The following DBF4B variants were observed in gnomAD, a reference collection of about 807,000 sequenced individuals.
DBF4B encodes the protein DBF4B-CDC7 kinase regulatory subunit.
A neutral mutation model predicts 53.4 loss-of-function variants in DBF4B; 49 were observed. That is an observed-to-expected ratio of 0.92 (90% CI 0.73 to 1.16). The LOEUF (loss-of-function observed/expected upper bound fraction) is 1.16. Ranked by LOEUF, DBF4B falls within the 50% of genes most tolerant of loss-of-function variation. The pLI, the probability that DBF4B is intolerant of heterozygous loss-of-function variation, is 0.00. For synonymous variants in DBF4B, 257 were observed against 288.7 expected, an observed-to-expected ratio of 0.89 and a Z score of 1.11; for missense variants, 692 against 775.0, an observed-to-expected ratio of 0.89 and a Z score of 1.27.
At position 44,738,397 on chromosome 17, in the gene DBF4B, C is replaced by T. The variant is rs551878955; in HGVS notation, c.686C>T (p.Pro229Leu). Residue 229 changes from proline (P) to leucine (L), a missense_variant, in exon 9 of 14, where the codon CCG becomes CTG. By Grantham distance (98) the Pro-to-Leu change is moderately conservative. This residue lies in a region of DBF4B where 597 missense variants were observed against 665.8 expected (regional missense o/e 0.90). Coordinates refer to ENST00000315005, the MANE Select transcript of DBF4B (RefSeq NM_145663.3). Reference protein sequence around the residue: ...RTRKVARLKAPFLKIEDESRK... With the variant: ...RTRKVARLKALFLKIEDESRK... ...CTTTCAGTGGCCAGACTGAAGGCCC[C>T]GTTCCTCAAAATCGAAGATGAAAGC... 5.0e-6 allele frequency: 8 copies of T among 1,613,798 alleles called. No homozygotes were observed. Among genetic ancestry groups the T allele is most frequent in the Admixed American group, 1.7e-5 (1 of 60,022 alleles).
chr17:44,717,429 G>A (rs12453642), intron 2 of DBF4B, among the ~76,000 whole-genome samples: 5,255 of 152,210 alleles, frequency 0.035, 293 homozygotes, highest in African/African-American at 0.12. Flanking sequence ...AATCCAGGCT[G>A]GGCGTGGTGG....
At chr17:44,735,890 T>C (rs2145015085) in intron 7 of DBF4B, among the ~76,000 whole-genome samples, 1 of 152,232 alleles carries the variant, frequency 6.6e-6, no homozygotes, top group East Asian at 1.9e-4. Context: ...TTTTTTATTT[T>C]ATTCCATTTA....
At position 44,747,078 on chromosome 17, in the gene DBF4B, C is replaced by T. The variant is rs1376795420; in HGVS notation, c.831-5C>T. ...CCACTTTGCCGCACTATGTACCCTC[C>T]CCAGAGAATCCAAGGATGGAGAGCC... On this transcript the variant is annotated splice_polypyrimidine_tract_variant and splice_region_variant and intron_variant, in intron 10 of 13. Coordinates refer to ENST00000315005, the MANE Select transcript of DBF4B (RefSeq NM_145663.3). 1 of 1,613,786 alleles carries T rather than the reference C, an allele frequency of 6.2e-7. No homozygotes were observed. The highest frequency in any genetic ancestry group is 1.3e-5 in the African/African-American group (1 of 74,910).
At chr17:44,735,667 CAAAAA>C (rs929672719) in intron 7 of DBF4B, among the ~76,000 whole-genome samples, 2 of 150,200 alleles carry the variant, frequency 1.3e-5, no homozygotes, top group Non-Finnish European at 3.0e-5. Flanking sequence ...GACTCTGTCT[CAAAAA>C]AAAGAAAAAA....
chr17:44,712,998 T>C (rs1973018427), intron 2 of DBF4B, among the ~76,000 whole-genome samples: 1 of 151,540 alleles, frequency 6.6e-6, no homozygotes, highest in African/African-American at 2.4e-5. Context: ...CTCCCCAGTA[T>C]ATATGTAGTA....
At chr17:44,738,223 T>G (rs1975649176) in intron 8 of DBF4B, among the ~76,000 whole-genome samples, 156 bp from the exon 9 acceptor site, 1 of 152,174 alleles carries the variant, frequency 6.6e-6, no homozygotes, top group Admixed American at 6.5e-5. Context: ...GAGATCTGAG[T>G]GAATGGAGAG....
chr17:44,741,212 T>A, intron 9 of DBF4B, 124 bp from the exon 10 acceptor site: 2 of 706,008 alleles, frequency 2.8e-6, no homozygotes, highest in Non-Finnish European at 5.1e-6. Context: ...TGTTATAGAA[T>A]TTAAAAGATG....
intron 10 of DBF4B, among the ~76,000 whole-genome samples, chr17:44,741,864 G>A (rs554034848): frequency 1.1e-3 from 165 of 152,222 alleles, no homozygotes; most frequent in Admixed American, 2.5e-3. Context: ...AGGGTTTACC[G>A]AGTATACACA....
chr17:44,729,903 A>G lies in DBF4B; in HGVS notation c.226-2A>G, dbSNP rs758764935. On this transcript the variant is annotated splice_acceptor_variant, in intron 3 of 13. Transcript: ENST00000315005. LOFTEE classifies it high-confidence loss of function. ...TCAGCCACCTCTGTGATCTGGTTTCAGGTAATTGAGGGTTTTCTGAGCAAA... is the reference window on the plus strand; with the variant it reads ...TCAGCCACCTCTGTGATCTGGTTTCGGGTAATTGAGGGTTTTCTGAGCAAA... The G allele has an allele frequency of 6.2e-7, 1 of 1,613,080 alleles. No individual in the cohort carries two copies. Among genetic ancestry groups the G allele is most frequent in the Admixed American group, 1.7e-5 (1 of 59,958 alleles).
intron 2 of DBF4B, among the ~76,000 whole-genome samples, chr17:44,718,033 AG>A (rs1973480304): frequency 1.3e-5 from 2 of 151,950 alleles, no homozygotes; most frequent in African/African-American, 2.4e-5. Context: ...CTCAAAAAAA[AG>A]AAAGAAAAGA....
Position 44,751,540 on chromosome 17 carries a change from T to G in DBF4B, c.*287T>G. On this transcript the variant is annotated 3_prime_UTR_variant, in exon 14 of 14. Coordinates refer to ENST00000315005, the MANE Select transcript of DBF4B (RefSeq NM_145663.3). ...TCCAGCCCACCTCGCCAACCACTCT[T>G]GTTGGTTTCCTTCTCAGACTTGCCA... 1 of 1,327,240 alleles carries G rather than the reference T, an allele frequency of 7.5e-7. No individual in the cohort carries two copies. The highest frequency in any genetic ancestry group is 9.6e-7 in the Non-Finnish European group (1 of 1,040,482). 82.2% of individuals were successfully genotyped at this position (1,327,240 alleles called of 1,614,324 possible). A position where few individuals can be genotyped will look rare whatever the true frequency, so the allele number is the denominator to read the frequency against.
chr17:44,709,431 C>T (rs1972664214), intron 2 of DBF4B, 65 bp downstream of exon 2: 13 of 1,538,250 alleles, frequency 8.5e-6, no homozygotes, highest in Non-Finnish European at 1.2e-5. Context: ...TGGAGAAGAC[C>T]GAAAAATGTT....
chr17:44,724,283 G>A (rs1003205768), intron 3 of DBF4B, among the ~76,000 whole-genome samples: 63 of 152,164 alleles, frequency 4.1e-4, no homozygotes, highest in African/African-American at 1.5e-3. Flanking sequence ...TGTAGTCTCC[G>A]TTACTCAGTA....
chr17:44,736,784 C>T lies in DBF4B; in HGVS notation c.631-46C>T, dbSNP rs774681316. On this transcript the variant is annotated intron_variant, in intron 7 of 13. Coordinates refer to ENST00000315005, the MANE Select transcript of DBF4B (RefSeq NM_145663.3). ...GCTTATCAGGCCCAGTTCCTTGACC[C>T]CCGTGGCTTCCTCACATCCTTAACC... The T allele has an allele frequency of 7.4e-6, 12 of 1,611,820 alleles. No homozygotes were observed. The South Asian group carries it at 1.3e-4, about 18-fold the overall frequency.
Position 44,749,468 on chromosome 17 carries a change from A to C in DBF4B, c.1189+1003A>C, listed in dbSNP as rs568313912. The C allele has an allele frequency of 2.3e-6, 3 of 1,288,444 alleles. No individual in the cohort carries two copies. In the Middle Eastern group the frequency reaches 6.4e-4, roughly 276 times the overall value. 79.8% of individuals were successfully genotyped at this position (1,288,444 alleles called of 1,614,324 possible). A position where few individuals can be genotyped will look rare whatever the true frequency, so the allele number is the denominator to read the frequency against. On this transcript the variant is annotated intron_variant, in intron 13 of 13. Coordinates refer to ENST00000315005, the MANE Select transcript of DBF4B (RefSeq NM_145663.3). The surrounding 1 kb of genome is among the most constrained non-coding windows in gnomAD (Gnocchi z 4.4). ...CCAGGACTTCCCCAAAAGAGCTAGA[A>C]GGAGGCCCGGGCCTGGCCTTTGAAG...
At position 44,747,201 on chromosome 17, in the gene DBF4B, T is replaced by G. The variant is rs765389775; in HGVS notation, c.939+10T>G. Reference sequence around the variant, plus strand: ...CGAGGAGCTCCATGTGGTGAGCCCCTTCCCCATTAAGCAGCTGCTCCCAGA... The same window carrying G: ...CGAGGAGCTCCATGTGGTGAGCCCCGTCCCCATTAAGCAGCTGCTCCCAGA... On this transcript the variant is annotated intron_variant, in intron 11 of 13. Transcript: ENST00000315005. 13 of 1,613,500 alleles carry G rather than the reference T, an allele frequency of 8.1e-6. No homozygotes were observed. The East Asian group carries it at 2.9e-4, about 36-fold the overall frequency.
chr17:44,723,125 G>A (rs1450231919), intron 3 of DBF4B, 103 bp downstream of exon 3: 1 of 1,463,716 alleles, frequency 6.8e-7, no homozygotes, highest in Admixed American at 2.3e-5. Flanking sequence ...TTTCTTTTTT[G>A]AGACAGAGTC....
intron 10 of DBF4B, among the ~76,000 whole-genome samples, chr17:44,741,853 C>T (rs538909483): frequency 7.2e-5 from 11 of 152,264 alleles, no homozygotes; most frequent in Admixed American, 2.6e-4. Context: ...CCTCACTCGG[C>T]AGGGTTTACC....
intron 13 of DBF4B, chr17:44,748,735 AAG>A (rs766878289): frequency 1.5e-6 from 2 of 1,367,546 alleles, no homozygotes; most frequent in South Asian, 2.4e-5. Flanking sequence ...CAGTGCTAAG[AAG>A]AGAGTGGGGG....
Sources: allele counts gnomAD v4.1 joint callset (sites outside exome capture counted in the v4.1 genomes callset), GRCh38; gene constraint gnomAD v4.1.1; regional missense constraint gnomAD v4.1.1; non-coding constraint Gnocchi (gnomAD v3.1); transcripts MANE v1.5; gene names NCBI Gene and HGNC (gene_info 2026-07-23, HGNC 2026-07-21).